The following CHPT1 variants were observed in gnomAD, a reference collection of about 807,000 sequenced individuals.
CHPT1 encodes cholinephosphotransferase 1.
Under a neutral mutation model 47.6 loss-of-function variants are expected in CHPT1, and 36 were observed. The ratio of observed to expected loss-of-function variants is 0.76; its 90% CI spans 0.58 to 1.00. The LOEUF (loss-of-function observed/expected upper bound fraction) is 1.00. CHPT1 is among the 50% of genes least tolerant of loss of function. CHPT1 has a pLI of 0.00. For missense variants in CHPT1, 458 were observed against 498.1 expected (o/e 0.92, Z 0.77); for synonymous variants, 194 against 186.3 (o/e 1.04, Z -0.33).
At chr12:101,725,139 CAGG>C (rs1306822347) in intron 7 of CHPT1, among the ~76,000 whole-genome samples, 15 of 152,186 alleles carry the variant, frequency 9.9e-5, no homozygotes, top group Admixed American at 8.5e-4. Context: ...GCATGGATTA[CAGG>C]AGTACATCTA....
chr12:101,728,625 T>C (rs1270618405), intron 8 of CHPT1: 2 of 335,766 alleles, frequency 6.0e-6, no homozygotes, highest in Admixed American at 4.5e-5. Flanking sequence ...TTGGGATTGA[T>C]AGAGATACAA....
At chr12:101,701,758 T>G (rs1056002049) in intron 1 of CHPT1, among the ~76,000 whole-genome samples, 1 of 152,110 alleles carries the variant, frequency 6.6e-6, no homozygotes, top group African/African-American at 2.4e-5. Context: ...TGCTTATAAT[T>G]TTGCATCAAA....
At chr12:101,700,344 G>A (rs1208302392) in intron 1 of CHPT1, among the ~76,000 whole-genome samples, 1 of 150,726 alleles carries the variant, frequency 6.6e-6, no homozygotes, top group Non-Finnish European at 1.5e-5. Context: ...AAAAAAGGGT[G>A]GAGGGTGGGG....
chr12:101,704,101 T>C (rs1020241962), intron 1 of CHPT1, among the ~76,000 whole-genome samples: 1 of 152,232 alleles, frequency 6.6e-6, no homozygotes, highest in African/African-American at 2.4e-5. Context: ...TGTTACCAGC[T>C]GACCTAATGG....
chr12:101,714,156 G>T lies in CHPT1; in HGVS notation c.340G>T (p.Asp114Tyr), dbSNP rs776138949. Reference sequence around the variant, plus strand: ...TATTTACCAGTCACTGGATGCTATTGATGGGAAACAAGCCAGAAGAACAAA... The same window carrying T: ...TATTTACCAGTCACTGGATGCTATTTATGGGAAACAAGCCAGAAGAACAAA... ...LFIYQSLDAI[D>Y]GKQARRTNSC... The change falls in exon 2 of 9, where the codon GAT becomes TAT. Residue 114 changes from aspartate (D) to tyrosine (Y), a missense_variant. Coordinates refer to ENST00000229266, the MANE Select transcript of CHPT1 (RefSeq NM_020244.3). 6.2e-7 allele frequency: 1 copy of T among 1,612,380 alleles called. No individual in the cohort carries two copies. The highest frequency in any genetic ancestry group is 8.5e-7 in the Non-Finnish European group (1 of 1,178,536).
At chr12:101,701,544 A>G (rs1403762983) in intron 1 of CHPT1, among the ~76,000 whole-genome samples, 1 of 152,240 alleles carries the variant, frequency 6.6e-6, no homozygotes. Flanking sequence ...CTAGAGTGAC[A>G]TACCTTTAAG....
Position 101,723,209 on chromosome 12 carries a change from T to A in CHPT1, c.822T>A (p.Ile274=). The A allele has an allele frequency of 6.2e-7, 1 of 1,612,720 alleles. No homozygotes were observed. The highest frequency in any genetic ancestry group is 1.1e-5 in the South Asian group (1 of 90,960). The change falls in exon 6 of 9, where the codon ATT becomes ATA. Residue 274 remains isoleucine, a synonymous_variant. Coordinates refer to ENST00000229266, the MANE Select transcript of CHPT1 (RefSeq NM_020244.3). The part of the protein sequence containing the change: ...VLSPGLHIGL[I]IILAIMIYKK... ...CACCTGGACTCCACATAGGACTAATTATTATACTGGCAATAATGATCTATA... is the reference window on the plus strand; with the variant it reads ...CACCTGGACTCCACATAGGACTAATAATTATACTGGCAATAATGATCTATA...
At chr12:101,722,849 A>G (rs966751357) in intron 5 of CHPT1, among the ~76,000 whole-genome samples, 3 of 152,194 alleles carry the variant, frequency 2.0e-5, no homozygotes, top group East Asian at 3.8e-4. Context: ...AATTATGTTA[A>G]TTTGGCAATC....
At chr12:101,717,404 C>A in intron 4 of CHPT1, 1 of 416,844 alleles carries the variant, frequency 2.4e-6, no homozygotes, top group Non-Finnish European at 4.8e-6. Flanking sequence ...CGTAAGTCCA[C>A]CATACTGGCT....
At chr12:101,728,750 C>T in intron 8 of CHPT1, 151 bp from the exon 9 acceptor site, 1 of 812,720 alleles carries the variant, frequency 1.2e-6, no homozygotes, top group Non-Finnish European at 1.9e-6. Flanking sequence ...GGAATAGTTG[C>T]TAACTAACTC....
Position 101,706,352 on chromosome 12 carries a change from G to GA in CHPT1, c.274-7726dup, listed in dbSNP as rs61196574. 9.5e-3 allele frequency among the ~76,000 whole-genome samples: 1,314 copies of GA among 137,912 alleles called. 12 individuals carry two copies. Among genetic ancestry groups the GA allele is most frequent in the African/African-American group, 0.029 (1,063 of 36,730 alleles). The allele number at this position is 137,912 out of a possible 152,430, so 90.5% of individuals were successfully genotyped here. Reference sequence around the variant, plus strand: ...GCGACAGAGTGAGACTCTGTCTCAAGAAAAAAAAAAAAGAAAGAAAAATAG... The same window carrying GA: ...GCGACAGAGTGAGACTCTGTCTCAAGAAAAAAAAAAAAAGAAAGAAAAATAG... On this transcript the variant is annotated intron_variant, in intron 1 of 8. Transcript: ENST00000229266.
chr12:101,706,797 G>A (rs185865547), intron 1 of CHPT1, among the ~76,000 whole-genome samples: 8 of 152,050 alleles, frequency 5.3e-5, no homozygotes, highest in Admixed American at 5.2e-4. Context: ...TACTTCCCTT[G>A]GTTAAATTAG....
Position 101,714,486 on chromosome 12 carries a change from A to G in CHPT1, c.422-18A>G. On this transcript the variant is annotated intron_variant, in intron 2 of 8. Transcript: ENST00000229266. ...TTATTTTTAATTCTTAATGATTCTT[A>G]AACTTTGTTTCTTTCAGTATTTATG... 1 of 1,584,040 alleles carries G rather than the reference A, an allele frequency of 6.3e-7. No homozygotes were observed. The highest frequency in any genetic ancestry group is 8.6e-7 in the Non-Finnish European group (1 of 1,168,786).
chr12:101,723,845 A>G lies in CHPT1; in HGVS notation c.1063A>G (p.Met355Val), dbSNP rs773272605. Residue 355 changes from methionine to valine, a missense_variant and splice_region_variant, in exon 7 of 9, where the codon ATG (methionine) becomes GTG (valine). Coordinates refer to ENST00000229266, the MANE Select transcript of CHPT1 (RefSeq NM_020244.3). Reference protein sequence around the residue: ...IDEYVVLWMAMVISSFDMVIY... With the variant: ...IDEYVVLWMAVVISSFDMVIY... ...CGAATATGTTGTTCTATGGATGGCA[A>G]TGGTAAGTATTTTTCTCCATTTTAT... The G allele has an allele frequency of 6.6e-6, 10 of 1,506,296 alleles. No individual in the cohort carries two copies. The East Asian group carries it at 1.1e-4, about 17-fold the overall frequency. 93.3% of individuals were successfully genotyped at this position (1,506,296 alleles called of 1,614,324 possible).
At chr12:101,702,605 TAGAA>T (rs1318185821) in intron 1 of CHPT1, among the ~76,000 whole-genome samples, 14 of 152,118 alleles carry the variant, frequency 9.2e-5, no homozygotes, top group African/African-American at 3.4e-4. Context: ...GGGGGAATAA[TAGAA>T]AGAAAAGGAA....
Position 101,709,370 on chromosome 12 carries a change from A to G in CHPT1, c.274-4720A>G, listed in dbSNP as rs983718163. Among the ~76,000 whole-genome samples, 23 of 140,176 alleles carry G rather than the reference A, an allele frequency of 1.6e-4. 2 individuals carry two copies. Among genetic ancestry groups the G allele is most frequent in the Admixed American group, 1.4e-3 (19 of 13,508 alleles). The allele number at this position is 140,176 out of a possible 152,430, so 92.0% of individuals were successfully genotyped here. A position where few individuals can be genotyped will look rare whatever the true frequency, so the allele number is the denominator to read the frequency against. ...GTGCCTCTGCACTCCAGCCTGGGCA[A>G]CAGAGTGAGACCTGTGTCAAAAAAA... On this transcript the variant is annotated intron_variant, in intron 1 of 8. Transcript: ENST00000229266.
rs762357356 is a variant in CHPT1, at chr12:101,710,449, G to A, written c.274-3641G>A. 1.2e-3 allele frequency among the ~76,000 whole-genome samples: 177 copies of A among 148,864 alleles called. 20 individuals carry two copies. Among genetic ancestry groups the A allele is most frequent in the Non-Finnish European group, 2.2e-3 (148 of 66,464 alleles). ...GTAAATTACCTGTTCCAGGAACATG[G>A]ATCTAGTCACTGACTCCAGTAAACC... On this transcript the variant is annotated intron_variant, in intron 1 of 8. Transcript: ENST00000229266.
Position 101,719,844 on chromosome 12 carries a change from G to T in CHPT1, c.649-279G>T, listed in dbSNP as rs191677727. ...TGGTAGTCAGTTATCTCAATTGATT[G>T]CTCACAGTCAGTTACAGGTCAAACT... On this transcript the variant is annotated intron_variant, in intron 4 of 8. Coordinates refer to ENST00000229266, the MANE Select transcript of CHPT1 (RefSeq NM_020244.3). 9.5e-5 allele frequency: 21 copies of T among 221,592 alleles called. No homozygotes were observed. In the East Asian group the frequency reaches 2.6e-3, roughly 28 times the overall value. 13.7% of individuals were successfully genotyped at this position (221,592 alleles called of 1,614,324 possible).
intron 1 of CHPT1, among the ~76,000 whole-genome samples, chr12:101,699,631 G>C (rs1214867426): frequency 6.6e-6 from 1 of 152,086 alleles, no homozygotes; most frequent in Non-Finnish European, 1.5e-5. Flanking sequence ...CAAGTGATCC[G>C]CCTGCCTCGG....
Sources: gnomAD v4.1 joint callset for allele counts (sites outside exome capture counted in the v4.1 genomes callset) on GRCh38, gnomAD v4.1.1 for gene constraint, MANE v1.5 for transcripts, NCBI Gene and HGNC (gene_info 2026-07-23, HGNC 2026-07-21) for gene names.